Variants in ASCC3 observed in about 807,000 individuals in gnomAD.
ASCC3 encodes the protein ASC-1 complex subunit P200.
A neutral mutation model predicts 256.3 loss-of-function variants in ASCC3; 158 were observed. The observed-to-expected ratio is 0.62, with a 90% CI of 0.54 to 0.70. ASCC3 has a LOEUF of 0.70. Ranked by LOEUF, ASCC3 falls within the 30% of genes least tolerant of loss-of-function variation. The probability of loss-of-function intolerance (pLI) is 0.00; values close to 1 mark genes in which losing one functional copy is unlikely to be tolerated. For missense variants in ASCC3, 2,259 were observed against 2,626.0 expected (o/e 0.86, Z 3.05); for synonymous variants, 948 against 883.4 (o/e 1.07, Z -1.30).
At chr6:100,679,453 C>T (rs546213692) in intron 14 of ASCC3, among the ~76,000 whole-genome samples, 165 bp downstream of exon 14, 2 of 152,088 alleles carry the variant, frequency 1.3e-5, no homozygotes, top group African/African-American at 2.4e-5. Context: ...TAGAGTGAAA[C>T]CTTTTAATAA....
intron 13 of ASCC3, among the ~76,000 whole-genome samples, chr6:100,706,566 T>C (rs924824961): frequency 6.6e-6 from 1 of 151,936 alleles, no homozygotes; most frequent in Non-Finnish European, 1.5e-5. Context: ...GCCAACTTTA[T>C]TGAAATAGGT....
At chr6:100,833,659 GA>G (rs2114465179) in intron 4 of ASCC3, among the ~76,000 whole-genome samples, 1 of 152,138 alleles carries the variant, frequency 6.6e-6, no homozygotes, top group African/African-American at 2.4e-5. Flanking sequence ...TAAAATTCAA[GA>G]AAAAAATAAT....
intron 8 of ASCC3, among the ~76,000 whole-genome samples, chr6:100,790,756 G>T (rs908295048): frequency 3.3e-5 from 5 of 151,836 alleles, no homozygotes; most frequent in African/African-American, 1.2e-4. Flanking sequence ...TAAAGTGTAG[G>T]TTGTAAAGAA....
At position 100,590,077 on chromosome 6, in the gene ASCC3, T is replaced by C; in HGVS notation, c.5304-18A>G. 1 of 1,543,590 alleles carries C rather than the reference T, an allele frequency of 6.5e-7. No individual in the cohort carries two copies. Among genetic ancestry groups the C allele is most frequent in the Non-Finnish European group, 9.0e-7 (1 of 1,116,308 alleles). ...TGTAATAGCTAGAAAACAAGCAAGG[T>C]TATTATTATTTGTTTCAAGACATTT... is the stretch of plus-strand genomic sequence containing the variant. On this transcript the variant is annotated intron_variant, in intron 34 of 41. Transcript: ENST00000369162.
intron 10 of ASCC3, among the ~76,000 whole-genome samples, chr6:100,758,892 T>G (rs142991505): frequency 1.8e-4 from 28 of 152,284 alleles, no homozygotes; most frequent in African/African-American, 6.0e-4. Context: ...TCCACAGCCT[T>G]GCTAGCATCT....
intron 4 of ASCC3, among the ~76,000 whole-genome samples, chr6:100,820,140 C>T (rs1447938864): frequency 6.6e-6 from 1 of 152,132 alleles, no homozygotes; most frequent in Non-Finnish European, 1.5e-5. Flanking sequence ...TAGAAATTAA[C>T]AGGCTGATTC....
At chr6:100,672,130 A>G (rs9399652) in intron 14 of ASCC3, among the ~76,000 whole-genome samples, 67,083 of 151,768 alleles carry the variant, frequency 0.44, 15,487 homozygotes, top group East Asian at 0.68. Context: ...CCATGGGTCT[A>G]GATCAGATTC....
chr6:100,854,538 GA>G (rs540889402), intron 3 of ASCC3, among the ~76,000 whole-genome samples: 1 of 152,018 alleles, frequency 6.6e-6, no homozygotes. Flanking sequence ...ATATTTGTTA[GA>G]AAAAAATAGT....
chr6:100,718,079 T>C lies in ASCC3; in HGVS notation c.2075A>G (p.Asn692Ser). Residue 692 changes from asparagine (N) to serine (S), a missense_variant, in exon 12 of 42, where the codon AAT (asparagine) becomes AGT (serine). By Grantham distance (46) the Asn-to-Ser change is conservative (BLOSUM62 1). Transcript: ENST00000369162. ...AGAATTAAAATGAGTATTTACCTTA[T>C]TTGCACATTTAATCCCCAAAAATGT... ...GQTFLGIKCA[N>S]KMQQLNNMDE... 1.2e-6 allele frequency: 2 copies of C among 1,613,022 alleles called. No individual in the cohort carries two copies. The highest frequency in any genetic ancestry group is 2.7e-5 in the African/African-American group (2 of 74,982).
chr6:100,803,670 A>G (rs1403161622), intron 5 of ASCC3, among the ~76,000 whole-genome samples: 1 of 152,192 alleles, frequency 6.6e-6, no homozygotes, highest in Non-Finnish European at 1.5e-5. Flanking sequence ...TGCTAAATTT[A>G]TATTTTCCAA....
chr6:100,744,293 A>G (rs914354773), intron 10 of ASCC3, among the ~76,000 whole-genome samples: 6 of 152,082 alleles, frequency 3.9e-5, no homozygotes, highest in African/African-American at 9.7e-5. Flanking sequence ...AGAATGGAGG[A>G]GTAGGGGCAA....
intron 8 of ASCC3, among the ~76,000 whole-genome samples, chr6:100,785,731 A>T (rs1350436367): frequency 6.6e-6 from 1 of 152,168 alleles, no homozygotes; most frequent in Admixed American, 6.6e-5. Flanking sequence ...TGTATAAAAT[A>T]CTGACAATAC....
chr6:100,606,697 TA>T (rs1287344148), intron 32 of ASCC3, 42 bp downstream of exon 32: 8 of 1,560,724 alleles, frequency 5.1e-6, no homozygotes, highest in Non-Finnish European at 6.9e-6. Context: ...TTACTCAGGG[TA>T]AAATAGAGCT....
intron 13 of ASCC3, among the ~76,000 whole-genome samples, chr6:100,685,856 G>C (rs184743591): frequency 1.2e-3 from 189 of 152,308 alleles, no homozygotes; most frequent in Non-Finnish European, 2.2e-3. Flanking sequence ...ATCATCCATA[G>C]TTAGACACTA....
intron 10 of ASCC3, among the ~76,000 whole-genome samples, chr6:100,749,324 TG>T (rs1189527937): frequency 6.6e-6 from 1 of 151,998 alleles, no homozygotes; most frequent in Non-Finnish European, 1.5e-5. Flanking sequence ...AAATATTCCC[TG>T]GAAAAGAATT....
At chr6:100,725,768 A>C in intron 10 of ASCC3, 65 bp from the exon 11 acceptor site, 1 of 1,574,054 alleles carries the variant, frequency 6.4e-7, no homozygotes, top group African/African-American at 1.4e-5. Flanking sequence ...GAACTGTGAT[A>C]CTCAGAAAGA....
At chr6:100,700,071 G>C (rs965213338) in intron 13 of ASCC3, among the ~76,000 whole-genome samples, 1 of 152,162 alleles carries the variant, frequency 6.6e-6, no homozygotes, top group African/African-American at 2.4e-5. Context: ...CCAAATGTTA[G>C]TCACCAAGAC....
intron 36 of ASCC3, among the ~76,000 whole-genome samples, chr6:100,574,191 G>A (rs535541235): frequency 2.6e-5 from 4 of 152,120 alleles, no homozygotes; most frequent in Non-Finnish European, 5.9e-5. Context: ...ACTGACTATT[G>A]GATAGAATAC....
intron 40 of ASCC3, among the ~76,000 whole-genome samples, chr6:100,510,754 A>G (rs370789672): frequency 1.3e-5 from 2 of 152,248 alleles, no homozygotes; most frequent in African/African-American, 4.8e-5. Context: ...AGATATAAAT[A>G]TAATGATCGC....
Sources: allele counts gnomAD v4.1 joint callset (sites outside exome capture counted in the v4.1 genomes callset), GRCh38; gene constraint gnomAD v4.1.1; transcripts MANE v1.5; gene names NCBI Gene and HGNC (gene_info 2026-07-23, HGNC 2026-07-21).